MYOZ2: variants seen among roughly 807,000 people sequenced by gnomAD.
MYOZ2 encodes the protein myozenin-2.
A neutral mutation model predicts 25.4 loss-of-function variants in MYOZ2; 19 were observed. The ratio of observed to expected loss-of-function variants is 0.75; its 90% CI spans 0.52 to 1.10. The LOEUF is 1.10. Ranked by LOEUF, MYOZ2 falls within the 50% of genes least tolerant of loss-of-function variation. The pLI is 0.00. For synonymous variants in MYOZ2, 92 were observed against 106.9 expected, an observed-to-expected ratio of 0.86 and a Z score of 0.86; for missense variants, 270 against 317.9, an observed-to-expected ratio of 0.85 and a Z score of 1.15.
chr4:119,159,893 A>G (rs1741667550), intron 4 of MYOZ2, among the ~76,000 whole-genome samples: 1 of 152,192 alleles, frequency 6.6e-6, no homozygotes, highest in African/African-American at 2.4e-5. Context: ...AAATGCATAC[A>G]ATTCTGAAAT....
intron 5 of MYOZ2, among the ~76,000 whole-genome samples, chr4:119,174,363 G>A (rs1355834153): frequency 1.3e-5 from 2 of 152,088 alleles, no homozygotes; most frequent in African/African-American, 2.4e-5. Context: ...AGCACCCTGT[G>A]TCTAGCTCAG....
At chr4:119,160,566 A>G (rs1741685087) in intron 4 of MYOZ2, among the ~76,000 whole-genome samples, 1 of 152,144 alleles carries the variant, frequency 6.6e-6, no homozygotes, top group African/African-American at 2.4e-5. Context: ...TCATATGTGC[A>G]TTTTATTGAC....
intron 2 of MYOZ2, among the ~76,000 whole-genome samples, chr4:119,140,399 G>A (rs1178701931): frequency 6.6e-6 from 1 of 152,058 alleles, no homozygotes; most frequent in Non-Finnish European, 1.5e-5. Context: ...AAAGTTTATA[G>A]AAGAAGAACT....
intron 4 of MYOZ2, among the ~76,000 whole-genome samples, chr4:119,159,443 C>G (rs566309538): frequency 6.6e-6 from 1 of 152,272 alleles, no homozygotes; most frequent in African/African-American, 2.4e-5. Context: ...AGAGAATCAA[C>G]TCCTTATTCA....
At chr4:119,136,040 T>G in intron 1 of MYOZ2, 58 bp downstream of exon 1, 1 of 178,848 alleles carries the variant, frequency 5.6e-6, no homozygotes, top group South Asian at 1.3e-4. Flanking sequence ...ATATTCAGAG[T>G]TGTGACTCAT....
intron 2 of MYOZ2, among the ~76,000 whole-genome samples, chr4:119,138,136 A>G (rs934955882): frequency 6.6e-6 from 1 of 152,134 alleles, no homozygotes; most frequent in Non-Finnish European, 1.5e-5. Flanking sequence ...ACACAATTAT[A>G]TATCAAAGTG....
At chr4:119,145,466 C>T (rs1243218283) in intron 2 of MYOZ2, among the ~76,000 whole-genome samples, 4 of 149,892 alleles carry the variant, frequency 2.7e-5, no homozygotes, top group African/African-American at 9.9e-5. Flanking sequence ...CTCAGCCTCC[C>T]AAGTAGCTGG....
At chr4:119,160,576 C>A (rs1000345740) in intron 4 of MYOZ2, among the ~76,000 whole-genome samples, 3 of 151,940 alleles carry the variant, frequency 2.0e-5, no homozygotes, top group Admixed American at 2.0e-4. Flanking sequence ...ATTTTATTGA[C>A]CATCAGGAGT....
At chr4:119,138,253 A>G (rs1473133880) in intron 2 of MYOZ2, among the ~76,000 whole-genome samples, 1 of 152,146 alleles carries the variant, frequency 6.6e-6, no homozygotes, top group Non-Finnish European at 1.5e-5. Context: ...CTCCCTTAAG[A>G]GGAGTCACAT....
At position 119,152,159 on chromosome 4, in the gene MYOZ2, T is replaced by C. The variant is rs181733801; in HGVS notation, c.246+1118T>C. Among the ~76,000 whole-genome samples the C allele has an allele frequency of 6.3e-4, 96 of 152,290 alleles. No individual in the cohort carries two copies. In the East Asian group the frequency reaches 0.011, roughly 17 times the overall value. On this transcript the variant is annotated intron_variant, in intron 3 of 5. Coordinates refer to ENST00000307128, the MANE Select transcript of MYOZ2 (RefSeq NM_016599.5). ...GATTAAATCTAGTTTTAATTGTGAA[T>C]TCAGTTAGCCATCAAATCTTACTCA...
intron 2 of MYOZ2, among the ~76,000 whole-genome samples, chr4:119,140,726 A>C (rs1741143826): frequency 6.6e-6 from 1 of 152,204 alleles, no homozygotes; most frequent in Non-Finnish European, 1.5e-5. Flanking sequence ...AATATGTTTT[A>C]GACATACATC....
chr4:119,173,328 T>C (rs573757031), intron 5 of MYOZ2, among the ~76,000 whole-genome samples: 33 of 152,200 alleles, frequency 2.2e-4, no homozygotes, highest in Non-Finnish European at 4.7e-4. Flanking sequence ...GGGAGATAGA[T>C]GCACAGGTAT....
chr4:119,169,431 C>T (rs1394970888), intron 5 of MYOZ2, among the ~76,000 whole-genome samples: 1 of 152,176 alleles, frequency 6.6e-6, no homozygotes, highest in Non-Finnish European at 1.5e-5. Flanking sequence ...ATTTTCACAT[C>T]CAGCTATGGC....
intron 3 of MYOZ2, among the ~76,000 whole-genome samples, chr4:119,151,290 T>C (rs143091857): frequency 4.7e-4 from 72 of 152,276 alleles, no homozygotes; most frequent in African/African-American, 1.7e-3. Flanking sequence ...AACTTGTCTG[T>C]TCCACTAAGA....
intron 2 of MYOZ2, among the ~76,000 whole-genome samples, chr4:119,146,328 T>G (rs1741291600): frequency 6.6e-6 from 1 of 152,048 alleles, no homozygotes; most frequent in Admixed American, 6.6e-5. Context: ...TATTTATTGA[T>G]TTGATACTTT....
At chr4:119,184,835 T>C (rs13123591) in intron 5 of MYOZ2, among the ~76,000 whole-genome samples, 1 of 152,010 alleles carries the variant, frequency 6.6e-6, no homozygotes, top group East Asian at 1.9e-4. Flanking sequence ...ACATACTGCT[T>C]GACCTAAAAG....
Position 119,136,471 on chromosome 4 carries a change from T to C in MYOZ2, c.-14-41T>C, listed in dbSNP as rs559797489. 6.8e-5 allele frequency: 103 copies of C among 1,522,294 alleles called. No individual in the cohort carries two copies. In the East Asian group the frequency reaches 2.2e-3, roughly 32 times the overall value. The allele number at this position is 1,522,294 out of a possible 1,614,324, so 94.3% of individuals were successfully genotyped here. The stretch of plus-strand genomic sequence containing the variant: ...GTGATTATAAGACACTCCAAATGAG[T>C]TCTTCACATTGCCTCAATAATGTCC... On this transcript the variant is annotated intron_variant, in intron 1 of 5. Coordinates refer to ENST00000307128, the MANE Select transcript of MYOZ2 (RefSeq NM_016599.5).
chr4:119,154,435 T>C (rs1161181076), intron 3 of MYOZ2, among the ~76,000 whole-genome samples: 1 of 152,144 alleles, frequency 6.6e-6, no homozygotes, highest in Admixed American at 6.6e-5. Context: ...ATCTAACTAT[T>C]ATAAGGCTCT....
chr4:119,146,010 G>T (rs1422263849), intron 2 of MYOZ2, among the ~76,000 whole-genome samples: 1 of 152,114 alleles, frequency 6.6e-6, no homozygotes, highest in Non-Finnish European at 1.5e-5. Context: ...TTTATATGTA[G>T]AATTGTTTGT....
Sources: gnomAD v4.1 joint callset for allele counts (sites outside exome capture counted in the v4.1 genomes callset) on GRCh38, gnomAD v4.1.1 for gene constraint, MANE v1.5 for transcripts, NCBI Gene and HGNC (gene_info 2026-07-23, HGNC 2026-07-21) for gene names.